The following DNAH6 variants were observed in gnomAD, a reference collection of about 807,000 sequenced individuals.
DNAH6 encodes axonemal beta dynein heavy chain 6.
In DNAH6, 340 loss-of-function variants were observed where a neutral mutation model predicts 491.4. The ratio of observed to expected loss-of-function variants is 0.69; its 90% CI spans 0.63 to 0.76. The LOEUF is 0.76. Ranked by LOEUF, DNAH6 falls within the 30% of genes least tolerant of loss-of-function variation. The pLI, the probability that DNAH6 is intolerant of heterozygous loss-of-function variation, is 0.00. For synonymous variants in DNAH6, 1,603 were observed against 1,686.1 expected (o/e 0.95, Z 1.21); for missense variants, 4,443 against 4,972.2 (o/e 0.89, Z 3.20).
chr2:84,773,976 A>C (rs1325533054), intron 64 of DNAH6, among the ~76,000 whole-genome samples: 2 of 151,996 alleles, frequency 1.3e-5, no homozygotes, highest in African/African-American at 4.8e-5. Flanking sequence ...TCTGAAAATT[A>C]GACTTTTTCA....
At chr2:84,502,432 C>A in the DNAH6 span, among the ~76,000 whole-genome samples, 1 of 152,084 alleles carries the variant, frequency 6.6e-6, no homozygotes, top group East Asian at 1.9e-4. Context: ...GTCTTGTGAC[C>A]TAACATATCG....
At position 84,716,081 on chromosome 2, in the gene DNAH6, G is replaced by A. The variant is rs1408399436; in HGVS notation, c.9611+454G>A. The stretch of plus-strand genomic sequence containing the variant: ...ATTTAACTGTCCACTTCAAATATAT[G>A]TGTGTGTATATATATGTATATATGT... On this transcript the variant is annotated intron_variant, in intron 58 of 76. Coordinates refer to ENST00000389394, the MANE Select transcript of DNAH6 (RefSeq NM_001370.2). Among the ~76,000 whole-genome samples, 8 of 150,940 alleles carry A rather than the reference G, an allele frequency of 5.3e-5. No individual in the cohort carries two copies. In the East Asian group the frequency reaches 1.6e-3, roughly 29 times the overall value.
chr2:84,653,834 A>C lies in DNAH6; in HGVS notation c.5594A>C (p.Glu1865Ala). ...AAGATGCTTTGCCTGGCTAACAGTGAGAGGATTAAACTCACACCTCAAATT... is the reference window on the plus strand; with the variant it reads ...AAGATGCTTTGCCTGGCTAACAGTGCGAGGATTAAACTCACACCTCAAATT... ...DNKMLCLANS[E>A]RIKLTPQIHM... is the part of the protein sequence containing the mutation. The change falls in exon 34 of 77, where the codon GAG becomes GCG. Residue 1865 changes from glutamate (E) to alanine (A), a missense_variant. Coordinates refer to ENST00000389394, the MANE Select transcript of DNAH6 (RefSeq NM_001370.2). The C allele has an allele frequency of 6.4e-7, 1 of 1,551,244 alleles. No individual in the cohort carries two copies. Among genetic ancestry groups the C allele is most frequent in the South Asian group, 1.2e-5 (1 of 84,012 alleles).
At chr2:84,541,308 G>T (rs1307374560) in intron 4 of DNAH6, among the ~76,000 whole-genome samples, 1 of 152,192 alleles carries the variant, frequency 6.6e-6, no homozygotes, top group Non-Finnish European at 1.5e-5. Flanking sequence ...ACAGAGAAAT[G>T]TACATACACT....
At chr2:84,546,667 C>T (rs1178855564) in intron 5 of DNAH6, among the ~76,000 whole-genome samples, 1 of 152,068 alleles carries the variant, frequency 6.6e-6, no homozygotes, top group Admixed American at 6.6e-5. Context: ...GGATTGCTTC[C>T]ACTTTTTATC....
chr2:84,471,224 T>C, the DNAH6 span, among the ~76,000 whole-genome samples: 1 of 150,478 alleles, frequency 6.6e-6, no homozygotes, highest in Non-Finnish European at 1.5e-5. Flanking sequence ...ATTACTATCA[T>C]TATTACTAGC....
At chr2:84,486,051 T>G in the DNAH6 span, among the ~76,000 whole-genome samples, 1 of 152,140 alleles carries the variant, frequency 6.6e-6, no homozygotes, top group Non-Finnish European at 1.5e-5. Context: ...TAAAAAGGAG[T>G]TAAAACTGTG....
chr2:84,698,217 T>G (rs1383302151), intron 47 of DNAH6, among the ~76,000 whole-genome samples: 1 of 152,222 alleles, frequency 6.6e-6, no homozygotes, highest in Non-Finnish European at 1.5e-5. Flanking sequence ...TCACCCCAGC[T>G]TTTTTCCTTG....
chr2:84,497,729 A>G, the DNAH6 span, among the ~76,000 whole-genome samples: 1 of 152,238 alleles, frequency 6.6e-6, no homozygotes, highest in South Asian at 2.1e-4. Context: ...TATTTTTATG[A>G]GTAGGCATAC....
chr2:84,502,478 G>T, the DNAH6 span, among the ~76,000 whole-genome samples: 1 of 152,184 alleles, frequency 6.6e-6, no homozygotes, highest in African/African-American at 2.4e-5. Flanking sequence ...CTGAGGAAAA[G>T]AATGTGCATT....
At chr2:84,612,247 C>CA (rs2104345601) in intron 22 of DNAH6, among the ~76,000 whole-genome samples, 1 of 151,884 alleles carries the variant, frequency 6.6e-6, no homozygotes, top group Non-Finnish European at 1.5e-5. Context: ...TTTATAGCCA[C>CA]AAAAATGTCC....
intron 33 of DNAH6, among the ~76,000 whole-genome samples, chr2:84,642,970 T>C: frequency 6.6e-6 from 1 of 152,226 alleles, no homozygotes; most frequent in East Asian, 1.9e-4. Context: ...TGCTCTTCCA[T>C]GCTCTTCCTT....
chr2:84,495,572 A>G, the DNAH6 span, among the ~76,000 whole-genome samples: 3 of 152,204 alleles, frequency 2.0e-5, no homozygotes, highest in African/African-American at 7.2e-5. Flanking sequence ...TCACTCATAC[A>G]TATTCACATT....
chr2:84,518,201 G>A (rs1675775449), intron 2 of DNAH6, 150 bp downstream of exon 2: 4 of 633,952 alleles, frequency 6.3e-6, no homozygotes, highest in East Asian at 2.8e-5. Context: ...TTGTAAATAC[G>A]GTAAATATTT....
At chr2:84,613,271 G>A (rs1269476601) in intron 22 of DNAH6, among the ~76,000 whole-genome samples, 4 of 152,008 alleles carry the variant, frequency 2.6e-5, no homozygotes, top group African/African-American at 9.7e-5. Context: ...AAGGAGGAGG[G>A]AAGATCAAAG....
chr2:84,694,198 A>T, intron 45 of DNAH6, 51 bp from the exon 46 acceptor site: 1 of 1,486,548 alleles, frequency 6.7e-7, no homozygotes, highest in Non-Finnish European at 9.2e-7. Context: ...CTCTCTGAGC[A>T]GGAGCCATGT....
chr2:84,747,479 T>C (rs1582847), intron 63 of DNAH6, among the ~76,000 whole-genome samples: 37,933 of 152,106 alleles, frequency 0.25, 5,311 homozygotes, highest in African/African-American at 0.4. Flanking sequence ...ATCCTGAGCA[T>C]ACCGGTGCAA....
chr2:84,571,581 G>T (rs1681874968), intron 11 of DNAH6, among the ~76,000 whole-genome samples: 1 of 152,016 alleles, frequency 6.6e-6, no homozygotes, highest in Non-Finnish European at 1.5e-5. Flanking sequence ...AAATGTGAAG[G>T]TCATGCAAGG....
At chr2:84,539,157 G>A (rs182877057) in intron 4 of DNAH6, among the ~76,000 whole-genome samples, 20 of 152,138 alleles carry the variant, frequency 1.3e-4, no homozygotes, top group Admixed American at 9.2e-4. Flanking sequence ...ACTATGGGCC[G>A]TTTGGATTTT....
Sources: allele counts gnomAD v4.1 joint callset (sites outside exome capture counted in the v4.1 genomes callset), GRCh38; gene constraint gnomAD v4.1.1; transcripts MANE v1.5; gene names NCBI Gene and HGNC (gene_info 2026-07-23, HGNC 2026-07-21).